PRICKLE2: variants seen among roughly 807,000 people sequenced by gnomAD.
The protein encoded by PRICKLE2 is prickle planar cell polarity protein 2.
A neutral mutation model predicts 81.4 loss-of-function variants in PRICKLE2; 21 were observed. That is an observed-to-expected ratio of 0.26 (90% CI 0.18 to 0.37). The LOEUF (loss-of-function observed/expected upper bound fraction) is 0.37. Among genes scored for constraint, PRICKLE2 ranks in the 10% least tolerant of loss-of-function variants. The probability of loss-of-function intolerance (pLI) is 1.00; values close to 1 mark genes in which losing one functional copy is unlikely to be tolerated. For missense variants in PRICKLE2, 940 were observed against 1,109.0 expected, an observed-to-expected ratio of 0.85 and a Z score of 2.16; for synonymous variants, 456 against 421.5, an observed-to-expected ratio of 1.08 and a Z score of -1.00.
intron 4 of PRICKLE2, among the ~76,000 whole-genome samples, chr3:64,158,133 G>A (rs957321385): frequency 6.6e-6 from 1 of 152,230 alleles, no homozygotes; most frequent in Non-Finnish European, 1.5e-5. Context: ...GTGGAAAGTA[G>A]GTCTAGGGAG....
intron 1 of PRICKLE2, among the ~76,000 whole-genome samples, chr3:64,215,611 T>C (rs188998015): frequency 6.6e-5 from 10 of 152,340 alleles, no homozygotes; most frequent in Admixed American, 5.9e-4. Context: ...ATTTATTTTT[T>C]TACAATAACT....
intron 1 of PRICKLE2, among the ~76,000 whole-genome samples, chr3:64,217,183 C>T (rs1345766831): frequency 6.6e-5 from 10 of 152,022 alleles, no homozygotes; most frequent in Non-Finnish European, 1.0e-4. Flanking sequence ...GACAGCATCA[C>T]AGCAGGAGAC....
chr3:64,133,789 A>G (rs1399102772), intron 7 of PRICKLE2, among the ~76,000 whole-genome samples: 1 of 152,188 alleles, frequency 6.6e-6, no homozygotes, highest in African/African-American at 2.4e-5. Context: ...TCTGGCTGCA[A>G]GCATTCCTAG....
intron 2 of PRICKLE2, among the ~76,000 whole-genome samples, chr3:64,189,865 G>C (rs2078300452): frequency 6.6e-6 from 1 of 152,190 alleles, no homozygotes. Flanking sequence ...GGGGCTCTCT[G>C]TTGCCCTATG....
intron 2 of PRICKLE2, among the ~76,000 whole-genome samples, chr3:64,166,534 T>A (rs1182264719): frequency 6.6e-6 from 1 of 152,208 alleles, no homozygotes; most frequent in Non-Finnish European, 1.5e-5. Flanking sequence ...CACAGCTCTA[T>A]CTTTCCTGGA....
intron 2 of PRICKLE2, chr3:64,187,660 T>G (rs753626844): frequency 2.0e-5 from 3 of 152,238 alleles, no homozygotes; most frequent in Non-Finnish European, 4.4e-5. Context: ...AGATTGTGCA[T>G]TCCTTTCCTA....
intron 2 of PRICKLE2, among the ~76,000 whole-genome samples, chr3:64,253,262 G>A (rs2079475872): frequency 6.6e-6 from 1 of 152,202 alleles, no homozygotes; most frequent in Non-Finnish European, 1.5e-5. Context: ...TAAAGAAGCT[G>A]AGACTTCAGC....
Position 64,169,188 on chromosome 3 carries a change from C to G in PRICKLE2, c.145-6059G>C, listed in dbSNP as rs187882831. Among the ~76,000 whole-genome samples the G allele has an allele frequency of 3.5e-3, 534 of 152,246 alleles. 2 individuals are homozygous for G. The highest frequency in any genetic ancestry group is 6.0e-3 in the Non-Finnish European group (407 of 68,020). The stretch of plus-strand genomic sequence containing the variant: ...GCCAAGACCTTTTTTTGCCCATTCC[C>G]CCTTCTTCCTGCTTCCTGTCTGGAA... On this transcript the variant is annotated intron_variant, in intron 2 of 7. Coordinates refer to ENST00000638394, the MANE Select transcript of PRICKLE2 (RefSeq NM_198859.4).
intron 2 of PRICKLE2, among the ~76,000 whole-genome samples, chr3:64,248,798 T>C (rs955449564): frequency 9.9e-5 from 15 of 152,044 alleles, no homozygotes; most frequent in Non-Finnish European, 2.1e-4. Context: ...CATGATAACA[T>C]ACTACCTGTG....
In PRICKLE2 at chr3:64,160,096, T is replaced by C. The variant is rs2077707634; in HGVS notation, c.259-19A>G. 3 of 1,613,228 alleles carry C rather than the reference T, an allele frequency of 1.9e-6. No individual in the cohort carries two copies. Among genetic ancestry groups the C allele is most frequent in the South Asian group, 1.1e-5 (1 of 91,076 alleles). ...ATCGAACCTGAATAGACACAGACAATGGCATGGAAAAAGTCACCCTTGCTC... is the reference window on the plus strand; with the variant it reads ...ATCGAACCTGAATAGACACAGACAACGGCATGGAAAAAGTCACCCTTGCTC... On this transcript the variant is annotated intron_variant, in intron 3 of 7. Transcript: ENST00000638394.
At chr3:64,181,694 T>G (rs2078137844) in intron 2 of PRICKLE2, among the ~76,000 whole-genome samples, 1 of 152,168 alleles carries the variant, frequency 6.6e-6, no homozygotes, top group Non-Finnish European at 1.5e-5. Flanking sequence ...GTTGTTAATG[T>G]GTTAAGTGAA....
chr3:64,167,632 G>A (rs1277693208), intron 2 of PRICKLE2, among the ~76,000 whole-genome samples: 2 of 152,236 alleles, frequency 1.3e-5, no homozygotes, highest in Non-Finnish European at 2.9e-5. Flanking sequence ...GGAACTGCAC[G>A]TTTGATAGCA....
chr3:64,100,068 G>A (rs11705855), intron 7 of PRICKLE2, 143 bp from the exon 8 acceptor site: 128,890 of 845,696 alleles, frequency 0.15, 11,159 homozygotes, highest in Middle Eastern at 0.23. Flanking sequence ...GGGGGCACAT[G>A]TGCCTGTGAG....
At chr3:64,207,183 A>C (rs559269466) in intron 1 of PRICKLE2, among the ~76,000 whole-genome samples, 1 of 152,330 alleles carries the variant, frequency 6.6e-6, no homozygotes, top group East Asian at 1.9e-4. Context: ...TACAGGCATG[A>C]GTCACTGTGC....
intron 2 of PRICKLE2, among the ~76,000 whole-genome samples, chr3:64,230,841 T>C (rs754938503): frequency 1.3e-5 from 2 of 152,158 alleles, no homozygotes; most frequent in South Asian, 2.1e-4. Context: ...ACCTAGCATA[T>C]AGTAGGTGTT....
At chr3:64,155,839 T>C in intron 5 of PRICKLE2, among the ~76,000 whole-genome samples, 1 of 151,850 alleles carries the variant, frequency 6.6e-6, no homozygotes, top group Non-Finnish European at 1.5e-5. Context: ...GAGACAGAAA[T>C]AGATTAGAAG....
rs767325391 is a variant in PRICKLE2, at chr3:64,146,874, G to T, written c.1616C>A (p.Thr539Asn). 5.0e-6 allele frequency: 8 copies of T among 1,614,180 alleles called. No homozygotes were observed. The highest frequency in any genetic ancestry group is 6.8e-6 in the Non-Finnish European group (8 of 1,180,024). Residue 539 changes from threonine (T) to asparagine (N), a missense_variant, in exon 7 of 8, where the codon ACC (threonine) becomes AAC (asparagine). Thr to Asn is a moderately conservative substitution (Grantham distance 65, BLOSUM62 0). This residue lies in a region of PRICKLE2 where 670 missense variants were observed against 717.2 expected (regional missense o/e 0.93). Coordinates refer to ENST00000638394, the MANE Select transcript of PRICKLE2 (RefSeq NM_198859.4). ...YTEDMTPTEQTPRGSMESLAL... is the reference protein window; with the variant it reads ...YTEDMTPTEQNPRGSMESLAL... ...CAGGGATTCCATGGAGCCCCGAGGGGTCTGCTCTGTGGGCGTCATGTCCTC... is the reference window on the plus strand; with the variant it reads ...CAGGGATTCCATGGAGCCCCGAGGGTTCTGCTCTGTGGGCGTCATGTCCTC...
In PRICKLE2 at chr3:64,147,755, C is replaced by G; in HGVS notation, c.788-53G>C. On this transcript the variant is annotated intron_variant, in intron 6 of 7. Coordinates refer to ENST00000638394, the MANE Select transcript of PRICKLE2 (RefSeq NM_198859.4). The surrounding 1 kb of genome is among the most constrained non-coding windows in gnomAD (Gnocchi z 5.0). ...CTGATGAGCTGCTCAGAGCTCTGCA[C>G]TGGGACGTGAAACACATAGCACCTT... 1 of 1,600,644 alleles carries G rather than the reference C, an allele frequency of 6.2e-7. No individual in the cohort carries two copies. The highest frequency in any genetic ancestry group is 1.7e-5 in the Admixed American group (1 of 59,988).
chr3:64,195,095 G>A (rs2078425283), intron 2 of PRICKLE2, among the ~76,000 whole-genome samples: 1 of 151,966 alleles, frequency 6.6e-6, no homozygotes, highest in Non-Finnish European at 1.5e-5. Context: ...ATCAACTAGG[G>A]GCATATTCCA....
Sources: allele counts gnomAD v4.1 joint callset (sites outside exome capture counted in the v4.1 genomes callset), GRCh38; gene constraint gnomAD v4.1.1; regional missense constraint gnomAD v4.1.1; non-coding constraint Gnocchi (gnomAD v3.1); transcripts MANE v1.5; gene names NCBI Gene and HGNC (gene_info 2026-07-23, HGNC 2026-07-21).